Variants in SLC1A3 observed in about 807,000 individuals in gnomAD.
SLC1A3 encodes the protein solute carrier family 1 member 3.
Under a neutral mutation model 48.1 loss-of-function variants are expected in SLC1A3, and 21 were observed. That is an observed-to-expected ratio of 0.44 (90% CI 0.31 to 0.63). SLC1A3 has a LOEUF of 0.63. Among genes scored for constraint, SLC1A3 ranks in the 20% least tolerant of loss-of-function variants. The pLI is 0.08. For synonymous variants in SLC1A3, 239 were observed against 251.4 expected (o/e 0.95, Z 0.47); for missense variants, 546 against 689.0 (o/e 0.79, Z 2.32).
intron 3 of SLC1A3, 108 bp downstream of exon 3, chr5:36,629,695 T>C: frequency 1.1e-6 from 1 of 930,704 alleles, no homozygotes; most frequent in South Asian, 1.4e-5. Context: ...CATGCTCTGT[T>C]CTAGAAAAAA....
At position 36,683,707 on chromosome 5, in the gene SLC1A3, CA is replaced by C. The variant is rs11284736; in HGVS notation, c.1290-143del. ...TGGGCAACAGAGTGAGATACTGTTT[CA>C]AAAAAAAAAAAAATCTCATTTACGT... On this transcript the variant is annotated intron_variant, in intron 8 of 9. Transcript: ENST00000265113. 0.86 allele frequency among the ~76,000 whole-genome samples: 127,107 copies of C among 148,560 alleles called. 54,273 individuals are homozygous for C. The highest frequency in any genetic ancestry group is 0.9 in the Admixed American group (13,431 of 14,992).
intron 3 of SLC1A3, among the ~76,000 whole-genome samples, chr5:36,664,366 C>T (rs1224185284): frequency 6.6e-6 from 1 of 152,130 alleles, no homozygotes; most frequent in Non-Finnish European, 1.5e-5. Context: ...CTCCTGACCT[C>T]CAGTGATCCA....
chr5:36,623,042 T>C (rs1196746355), intron 2 of SLC1A3, among the ~76,000 whole-genome samples: 1 of 150,580 alleles, frequency 6.6e-6, no homozygotes, highest in Non-Finnish European at 1.5e-5. Flanking sequence ...AAAAGAAGTG[T>C]TTGTTGTTAG....
chr5:36,644,157 A>G (rs2111820162), intron 3 of SLC1A3, among the ~76,000 whole-genome samples: 1 of 141,586 alleles, frequency 7.1e-6, no homozygotes, highest in South Asian at 2.6e-4. Flanking sequence ...TAGCAAAGAG[A>G]TATAATAGCC....
At chr5:36,632,409 G>A (rs1367772682) in intron 3 of SLC1A3, among the ~76,000 whole-genome samples, 2 of 152,190 alleles carry the variant, frequency 1.3e-5, no homozygotes, top group African/African-American at 4.8e-5. Flanking sequence ...TGGCAGTCCT[G>A]TGCCAAAGCT....
intron 3 of SLC1A3, among the ~76,000 whole-genome samples, chr5:36,641,574 A>C (rs2111809320): frequency 6.6e-6 from 1 of 152,340 alleles, no homozygotes; most frequent in Non-Finnish European, 1.5e-5. Context: ...ATTTAAGAAA[A>C]AAAAAGTGGA....
chr5:36,637,209 C>T (rs534292515), intron 3 of SLC1A3, among the ~76,000 whole-genome samples: 5 of 152,324 alleles, frequency 3.3e-5, no homozygotes, highest in African/African-American at 1.2e-4. Flanking sequence ...TAGATCCAAT[C>T]CTCTATTAAT....
At chr5:36,627,261 G>A (rs1432625301) in intron 2 of SLC1A3, among the ~76,000 whole-genome samples, 2 of 152,086 alleles carry the variant, frequency 1.3e-5, no homozygotes. Context: ...TAGATGTTAA[G>A]TAAATACAAA....
chr5:36,668,900 T>G (rs1362061269), intron 3 of SLC1A3: 1 of 152,240 alleles, frequency 6.6e-6, no homozygotes, highest in African/African-American at 2.4e-5. Context: ...TGTTTGCCAC[T>G]TTGGTTTCCA....
chr5:36,663,372 C>A (rs1483813200), intron 3 of SLC1A3, among the ~76,000 whole-genome samples: 3 of 147,280 alleles, frequency 2.0e-5, no homozygotes, highest in African/African-American at 7.6e-5. Context: ...TGCTCCACCA[C>A]GCCCGGCATT....
intron 2 of SLC1A3, among the ~76,000 whole-genome samples, chr5:36,619,026 T>C (rs1739559607): frequency 1.3e-5 from 2 of 152,170 alleles, no homozygotes; most frequent in Admixed American, 6.5e-5. Context: ...CGTGTGCACA[T>C]AAGTCCGTGT....
intron 3 of SLC1A3, chr5:36,630,591 G>C (rs1740098499): frequency 6.6e-6 from 1 of 152,236 alleles, no homozygotes; most frequent in African/African-American, 2.4e-5. Context: ...CTGGCACTGA[G>C]AATCCTTCCC....
chr5:36,643,712 G>T (rs1239557528), intron 3 of SLC1A3, among the ~76,000 whole-genome samples: 2 of 152,096 alleles, frequency 1.3e-5, no homozygotes, highest in African/African-American at 2.4e-5. Flanking sequence ...AGGGTAACGT[G>T]GGCCAGGCAC....
intron 3 of SLC1A3, among the ~76,000 whole-genome samples, chr5:36,645,367 C>G: frequency 7.2e-6 from 1 of 139,104 alleles, no homozygotes. Context: ...CTCACTCTCA[C>G]CCAGGCCAGA....
intron 6 of SLC1A3, 111 bp downstream of exon 6, chr5:36,677,295 T>C: frequency 1.1e-6 from 1 of 891,882 alleles, no homozygotes; most frequent in Non-Finnish European, 1.8e-6. Context: ...TGCAGTTATC[T>C]CACTCTGGTA....
chr5:36,670,667 G>A (rs980603024), intron 3 of SLC1A3, among the ~76,000 whole-genome samples: 107 of 152,164 alleles, frequency 7.0e-4, no homozygotes, highest in Non-Finnish European at 1.2e-4. Context: ...ATGCACACAG[G>A]CACACTCACA....
At chr5:36,682,896 C>G (rs1045435753) in intron 8 of SLC1A3, among the ~76,000 whole-genome samples, 7 of 152,164 alleles carry the variant, frequency 4.6e-5, no homozygotes, top group African/African-American at 1.7e-4. Flanking sequence ...AGTATGGGGA[C>G]CATGAATACT....
intron 2 of SLC1A3, among the ~76,000 whole-genome samples, chr5:36,616,315 GA>G (rs780138300): frequency 6.6e-5 from 10 of 152,102 alleles, no homozygotes; most frequent in Non-Finnish European, 1.3e-4. Flanking sequence ...AAGAGAGTTT[GA>G]AACCAAAAAG....
intron 3 of SLC1A3, among the ~76,000 whole-genome samples, chr5:36,647,829 A>G (rs1204299211): frequency 6.6e-6 from 1 of 152,216 alleles, no homozygotes; most frequent in Non-Finnish European, 1.5e-5. Flanking sequence ...GCAAAAGTCA[A>G]AATTATTAGG....
Sources: gnomAD v4.1 joint callset for allele counts (sites outside exome capture counted in the v4.1 genomes callset) on GRCh38, gnomAD v4.1.1 for gene constraint, MANE v1.5 for transcripts, NCBI Gene and HGNC (gene_info 2026-07-23, HGNC 2026-07-21) for gene names.